PKNOX2: variants seen among roughly 807,000 people sequenced by gnomAD.
The protein encoded by PKNOX2 is PBX/knotted 1 homeobox 2, also known as homeobox protein PKNOX2.
PKNOX2 carries 14 observed loss-of-function variants against 53.1 expected under a neutral mutation model. That is an observed-to-expected ratio of 0.26 (90% confidence interval 0.17 to 0.41). The LOEUF (loss-of-function observed/expected upper bound fraction) is 0.41. Ranked by LOEUF, PKNOX2 falls within the 10% of genes least tolerant of loss-of-function variation. The pLI is 1.00. For synonymous variants in PKNOX2, 257 were observed against 242.8 expected (o/e 1.06, Z -0.54); for missense variants, 496 against 602.8 (o/e 0.82, Z 1.85).
intron 2 of PKNOX2, among the ~76,000 whole-genome samples, chr11:125,299,947 C>A (rs1797503237): frequency 6.6e-6 from 1 of 152,238 alleles, no homozygotes; most frequent in African/African-American, 2.4e-5. Context: ...CACGACAGGG[C>A]TGTGCTTGAT....
At chr11:125,332,006 G>C (rs1009293264) in intron 3 of PKNOX2, 81 bp downstream of exon 3, 1 of 152,186 alleles carries the variant, frequency 6.6e-6, no homozygotes, top group Non-Finnish European at 1.5e-5. Flanking sequence ...CCTCTAGAAC[G>C]AGCTCAGAAC....
intron 4 of PKNOX2, among the ~76,000 whole-genome samples, chr11:125,351,820 G>A (rs1198355951): frequency 1.3e-5 from 2 of 152,028 alleles, no homozygotes; most frequent in Non-Finnish European, 2.9e-5. Context: ...CCCCATTCTC[G>A]GGTCACTTGG....
chr11:125,207,025 C>G (rs1223023341), intron 1 of PKNOX2, among the ~76,000 whole-genome samples: 232 of 118,994 alleles, frequency 1.9e-3, no homozygotes, highest in South Asian at 3.7e-3. Context: ...CTTCAGGTGG[C>G]GGGGGGTGAG....
chr11:125,248,760 G>C (rs1369188541), intron 2 of PKNOX2, among the ~76,000 whole-genome samples: 2 of 147,310 alleles, frequency 1.4e-5, no homozygotes, highest in African/African-American at 5.0e-5. Flanking sequence ...CCACACTACT[G>C]TACCAGTATA....
At chr11:125,176,664 C>T (rs1209905742) in intron 1 of PKNOX2, among the ~76,000 whole-genome samples, 1 of 152,216 alleles carries the variant, frequency 6.6e-6, no homozygotes, top group Non-Finnish European at 1.5e-5. Flanking sequence ...GGCCTGACCT[C>T]ATGCTGAGTT....
intron 6 of PKNOX2, among the ~76,000 whole-genome samples, chr11:125,388,113 GAAA>G (rs1327481145): frequency 6.6e-6 from 1 of 152,058 alleles, no homozygotes; most frequent in Non-Finnish European, 1.5e-5. Context: ...CCGGGACCAT[GAAA>G]CTTGATGTGG....
At chr11:125,409,998 TTTG>T (rs1345024902) in intron 7 of PKNOX2, 195 bp from the exon 8 acceptor site, 1 of 674,064 alleles carries the variant, frequency 1.5e-6, no homozygotes, top group Non-Finnish European at 2.4e-6. Flanking sequence ...TCTTTTTGTT[TTTG>T]TTTTTTTTAA....
At chr11:125,411,476 CT>C in intron 9 of PKNOX2, 1 of 390,698 alleles carries the variant, frequency 2.6e-6, no homozygotes, top group Non-Finnish European at 4.8e-6. Flanking sequence ...CTCTCTCTCT[CT>C]CTCTCTCTCT....
intron 2 of PKNOX2, among the ~76,000 whole-genome samples, chr11:125,287,510 G>C (rs1206862983): frequency 1.3e-5 from 2 of 152,284 alleles, no homozygotes; most frequent in South Asian, 4.1e-4. Context: ...ATGTGGCGGG[G>C]AGGAAGGGGT....
chr11:125,166,863 T>C lies in PKNOX2; in HGVS notation c.-201+2087T>C, dbSNP rs1280039564. On this transcript the variant is annotated intron_variant, in intron 1 of 12. Transcript: ENST00000298282. The surrounding 1 kb of genome is among the most constrained non-coding windows in gnomAD (Gnocchi z 4.0). ...TATTAGCTTTTCGGGTTTCAAATGC[T>C]CTATAACCGGTGGCAGCCAAAAGCT... is the stretch of plus-strand genomic sequence containing the variant. Among the ~76,000 whole-genome samples, 1 of 152,094 alleles carries C rather than the reference T, an allele frequency of 6.6e-6. No individual in the cohort carries two copies. The highest frequency in any genetic ancestry group is 6.5e-5 in the Admixed American group (1 of 15,280).
intron 7 of PKNOX2, among the ~76,000 whole-genome samples, chr11:125,409,527 G>C (rs562771505): frequency 1.3e-5 from 2 of 152,210 alleles, no homozygotes; most frequent in African/African-American, 4.8e-5. Flanking sequence ...GGCTAGGGCG[G>C]CTTTCATTTG....
chr11:125,255,567 C>A (rs1322804826), intron 2 of PKNOX2, among the ~76,000 whole-genome samples: 1 of 152,138 alleles, frequency 6.6e-6, no homozygotes, highest in Non-Finnish European at 1.5e-5. Flanking sequence ...AGGCCCCAGC[C>A]CTCAAGGAAT....
intron 1 of PKNOX2, among the ~76,000 whole-genome samples, chr11:125,211,027 G>A (rs1939783706): frequency 1.3e-5 from 2 of 152,132 alleles, no homozygotes; most frequent in Non-Finnish European, 2.9e-5. Flanking sequence ...TGAATGAGAC[G>A]ATGCTTGTCG....
chr11:125,199,092 C>T (rs547557885), intron 1 of PKNOX2, among the ~76,000 whole-genome samples: 7 of 152,310 alleles, frequency 4.6e-5, no homozygotes, highest in African/African-American at 1.2e-4. Context: ...CTGCCCTCCT[C>T]GGCCTCCCAA....
rs1555172588 is a variant in PKNOX2 at position 125,410,885 on chromosome 11, G to C, written c.816+9G>C. ...AGATCCAGAACACACAGGTGAGTGT[G>C]TGTAGGTGTGTGCACATGTGCATGG... On this transcript the variant is annotated intron_variant, in intron 9 of 12. Transcript: ENST00000298282. 1 of 1,609,704 alleles carries C rather than the reference G, an allele frequency of 6.2e-7. No homozygotes were observed. Among genetic ancestry groups the C allele is most frequent in the Admixed American group, 1.7e-5 (1 of 60,018 alleles).
chr11:125,240,580 C>T lies in PKNOX2; in HGVS notation c.-130+5465C>T, dbSNP rs376732528. Among the ~76,000 whole-genome samples, 73 of 152,264 alleles carry T rather than the reference C, an allele frequency of 4.8e-4. No individual in the cohort carries two copies. The highest frequency in any genetic ancestry group is 1.7e-3 in the African/African-American group (69 of 41,550). ...GCAAGGTGGCTGCCACCACCCAAAT[C>T]GCCTTTCTTCATCCACTGAAATGCA... On this transcript the variant is annotated intron_variant, in intron 2 of 12. Transcript: ENST00000298282. The surrounding 1 kb of genome is among the most constrained non-coding windows in gnomAD (Gnocchi z 4.3).
At chr11:125,393,915 A>G (rs781450935) in intron 6 of PKNOX2, among the ~76,000 whole-genome samples, 6 of 123,948 alleles carry the variant, frequency 4.8e-5, no homozygotes, top group Non-Finnish European at 8.2e-5. Flanking sequence ...TTGAAAGACA[A>G]GGCACACGGG....
intron 1 of PKNOX2, among the ~76,000 whole-genome samples, chr11:125,222,781 GTGTGTA>G (rs1941339434): frequency 6.6e-6 from 1 of 151,340 alleles, no homozygotes. Context: ...GTGTGTGTAT[GTGTGTA>G]TGTGTGTGTG....
At chr11:125,201,830 G>A (rs553563319) in intron 1 of PKNOX2, among the ~76,000 whole-genome samples, 1 of 152,268 alleles carries the variant, frequency 6.6e-6, no homozygotes, top group East Asian at 1.9e-4. Flanking sequence ...TTCCTGCTGG[G>A]TAGGCATTTC....
Sources: allele counts gnomAD v4.1 joint callset (sites outside exome capture counted in the v4.1 genomes callset), GRCh38; gene constraint gnomAD v4.1.1; non-coding constraint Gnocchi (gnomAD v3.1); transcripts MANE v1.5; gene names NCBI Gene and HGNC (gene_info 2026-07-23, HGNC 2026-07-21).